Variants in RPS6KA4 observed in about 807,000 individuals in gnomAD.
RPS6KA4 encodes the protein ribosomal protein S6 kinase A4, also known as ribosomal protein S6 kinase alpha-4.
RPS6KA4 carries 38 observed loss-of-function variants against 89.6 expected under a neutral mutation model. That is an observed-to-expected ratio of 0.42 (90% CI 0.33 to 0.56). RPS6KA4 has a LOEUF of 0.56. Among genes scored for constraint, RPS6KA4 ranks in the 20% least tolerant of loss-of-function variants. The probability of loss-of-function intolerance (pLI) is 0.07; values close to 1 mark genes in which losing one functional copy is unlikely to be tolerated. For missense variants in RPS6KA4, 873 were observed against 1,098.8 expected (o/e 0.79, Z 2.90); for synonymous variants, 495 against 492.8 (o/e 1.00, Z -0.06).
chr11:64,361,187 G>C lies in RPS6KA4; in HGVS notation c.516G>C (p.Glu172Asp), dbSNP rs761066886. Residue 172 changes from glutamate to aspartate, a missense_variant, in exon 5 of 17, where the codon GAG (glutamate) becomes GAC (aspartate). Around this residue, in one of 4 missense-constraint regions of RPS6KA4, gnomAD observed 542 missense variants for 736.4 expected, o/e 0.74. Transcript: ENST00000334205. The surrounding 1 kb of genome is among the most constrained non-coding windows in gnomAD (Gnocchi z 4.7). ...LKLENVLLDS[E>D]GHIVLTDFGL... ...TGGAGAATGTGCTGCTGGACTCCGA[G>C]GGCCACATTGTCCTCACGGACTTCG... 2 of 1,613,442 alleles carry C rather than the reference G, an allele frequency of 1.2e-6. No individual in the cohort carries two copies. The highest frequency in any genetic ancestry group is 1.1e-5 in the South Asian group (1 of 91,066).
chr11:64,361,232 G>A lies in RPS6KA4; in HGVS notation c.561G>A (p.Leu187=). 1.9e-6 allele frequency: 3 copies of A among 1,613,224 alleles called. No individual in the cohort carries two copies. The highest frequency in any genetic ancestry group is 2.2e-5 in the South Asian group (2 of 91,072). ...LTDFGLSKEF[L]TEEKERTFSF... ...ACTTCGGGCTGAGCAAGGAGTTCCT[G>A]ACGGAGGAGGTGAGTGGAGGCCACC... is the stretch of plus-strand genomic sequence containing the variant. Residue 187 remains leucine, a synonymous_variant, in exon 5 of 17, where the codon CTG becomes CTA. Coordinates refer to ENST00000334205, the MANE Select transcript of RPS6KA4 (RefSeq NM_003942.3). This position sits in a 1 kb window ranked among gnomAD's most constrained non-coding sequence, Gnocchi z 4.7.
chr11:64,371,224 T>C, intron 16 of RPS6KA4, 59 bp from the exon 17 acceptor site: 1 of 1,551,874 alleles, frequency 6.4e-7, no homozygotes, highest in Admixed American at 1.7e-5. Flanking sequence ...GAGGTCAAAC[T>C]AGATCTGGAA....
At chr11:64,371,240 G>A in intron 16 of RPS6KA4, 43 bp from the exon 17 acceptor site, 3 of 1,589,656 alleles carry the variant, frequency 1.9e-6, no homozygotes, top group Non-Finnish European at 2.6e-6. Context: ...TGGAAGCCGG[G>A]GTCAGGCGGG....
At chr11:64,366,078 C>T (rs1030852427) in intron 9 of RPS6KA4, among the ~76,000 whole-genome samples, 1 of 151,868 alleles carries the variant, frequency 6.6e-6, no homozygotes, top group Non-Finnish European at 1.5e-5. Context: ...CTCACGTGGA[C>T]ACCTAGGAGG....
Position 64,361,286 on chromosome 11 carries a change from C to G in RPS6KA4, c.570+45C>G. On this transcript the variant is annotated intron_variant, in intron 5 of 16. Coordinates refer to ENST00000334205, the MANE Select transcript of RPS6KA4 (RefSeq NM_003942.3). This position sits in a 1 kb window ranked among gnomAD's most constrained non-coding sequence, Gnocchi z 4.7. ...GCCTGCAGTGCCCCATTCAATCCTT[C>G]TCCTTCCTGCCTCTTCCTGCTCTGG... The G allele has an allele frequency of 6.4e-7, 1 of 1,554,738 alleles. No homozygotes were observed. Among genetic ancestry groups the G allele is most frequent in the Non-Finnish European group, 8.9e-7 (1 of 1,129,414 alleles).
chr11:64,361,549 G>A lies in RPS6KA4; in HGVS notation c.651G>A (p.Lys217=). 1 of 1,614,110 alleles carries A rather than the reference G, an allele frequency of 6.2e-7. No homozygotes were observed. Among genetic ancestry groups the A allele is most frequent in the Non-Finnish European group, 8.5e-7 (1 of 1,180,022 alleles). Residue 217 remains lysine, a splice_region_variant and synonymous_variant, in exon 6 of 17, where the codon AAG becomes AAA. Transcript: ENST00000334205. This position sits in a 1 kb window ranked among gnomAD's most constrained non-coding sequence, Gnocchi z 4.7. ...TCCGTAGCAAGACGGGGCATGGCAA[G>A]GTAGGTTGGCAGGGAAGTGGGGCTG... ...EIIRSKTGHG[K]AVDWWSLGIL...
At position 64,360,233 on chromosome 11, in the gene RPS6KA4, G is replaced by A; in HGVS notation, c.198G>A (p.Val66=). 6.5e-7 allele frequency: 1 copy of A among 1,548,160 alleles called. No individual in the cohort carries two copies. Among genetic ancestry groups the A allele is most frequent in the Non-Finnish European group, 8.7e-7 (1 of 1,146,822 alleles). Residue 66 remains valine (V), a synonymous_variant, in exon 3 of 17, where the codon GTG becomes GTA. Transcript: ENST00000334205. ...CGGGGAAGCTGTACGCCATGAAGGT[G>A]CTGCGCAAGGCGGCGCTGGTGCAGC... The part of the protein sequence containing the change: ...HDAGKLYAMK[V]LRKAALVQRA...
chr11:64,365,547 T>A, intron 9 of RPS6KA4, 82 bp downstream of exon 9: 1 of 1,476,036 alleles, frequency 6.8e-7, no homozygotes, highest in East Asian at 2.3e-5. Flanking sequence ...CCGAGGACAC[T>A]GCCTAGGCCT....
chr11:64,368,843 G>C, intron 12 of RPS6KA4, 46 bp downstream of exon 12: 1 of 1,509,408 alleles, frequency 6.6e-7, no homozygotes, highest in Non-Finnish European at 9.0e-7. Context: ...AGGGGCAGGC[G>C]GCGGGGCTTG....
At position 64,365,349 on chromosome 11, in the gene RPS6KA4, C is replaced by T. The variant is rs754458110; in HGVS notation, c.955C>T (p.Arg319Trp). Residue 319 changes from arginine (R) to tryptophan (W), a missense_variant, in exon 9 of 17, where the codon CGG (arginine) becomes TGG (tryptophan). This residue lies in a region of RPS6KA4 where 542 missense variants were observed against 736.4 expected (regional missense o/e 0.74). Coordinates refer to ENST00000334205, the MANE Select transcript of RPS6KA4 (RefSeq NM_003942.3). ...TGCCAGGAAGATTCCAGCCCCATTC[C>T]GGCCCCAAATCCGCTCAGAGCTGGA... is the stretch of plus-strand genomic sequence containing the variant. ...LAARKIPAPFRPQIRSELDVG... is the reference protein window; with the variant it reads ...LAARKIPAPFWPQIRSELDVG... 20 of 1,613,936 alleles carry T rather than the reference C, an allele frequency of 1.2e-5. No individual in the cohort carries two copies. In the Admixed American group the frequency reaches 2.0e-4, roughly 16 times the overall value.
In RPS6KA4 at chr11:64,370,827, C is replaced by T. The variant is rs991890440; in HGVS notation, c.2121+101C>T. ...GGAGCACAGAAAGGCGAGGTGAGGCCGGGCGCGGTGGCTCACGCCTGTAAT... is the reference window on the plus strand; with the variant it reads ...GGAGCACAGAAAGGCGAGGTGAGGCTGGGCGCGGTGGCTCACGCCTGTAAT... On this transcript the variant is annotated intron_variant, in intron 16 of 16. Transcript: ENST00000334205. This position sits in a 1 kb window ranked among gnomAD's most constrained non-coding sequence, Gnocchi z 4.1. The T allele has an allele frequency of 9.6e-5, 132 of 1,377,952 alleles. No homozygotes were observed. Among genetic ancestry groups the T allele is most frequent in the Non-Finnish European group, 1.2e-4 (127 of 1,047,452 alleles). 85.4% of individuals were successfully genotyped at this position (1,377,952 alleles called of 1,614,324 possible).
Position 64,368,188 on chromosome 11 carries a change from C to T in RPS6KA4, c.1128C>T (p.Thr376=). The change falls in exon 10 of 17, where the codon ACC becomes ACT. Residue 376 remains threonine, a synonymous_variant. Coordinates refer to ENST00000334205, the MANE Select transcript of RPS6KA4 (RefSeq NM_003942.3). ...ILFDHNNAVM[T]DGLEAPGAGD... ...TTGACCACAACAACGCGGTGATGAC[C>T]GATGGGCTGGAAGCGCCTGGTGCTG... 1 of 1,613,714 alleles carries T rather than the reference C, an allele frequency of 6.2e-7. No individual in the cohort carries two copies. The highest frequency in any genetic ancestry group is 1.1e-5 in the South Asian group (1 of 91,080).
In RPS6KA4 at chr11:64,371,412, C is replaced by A; in HGVS notation, c.2251C>A (p.Pro751Thr). ...CCGGGGCTCCCCTGCACCAGCCAAC[C>A]CGGGCCGAGCCCCCGTCGCCTCCAA... The part of the protein sequence containing the change: ...SRRGSPAPAN[P>T]GRAPVASKGA... Residue 751 changes from proline (P) to threonine (T), a missense_variant, in exon 17 of 17, where the codon CCG becomes ACG. By Grantham distance (38) the Pro-to-Thr change is conservative. This residue lies in a region of RPS6KA4 where 278 missense variants were observed against 284.8 expected (regional missense o/e 0.98). Coordinates refer to ENST00000334205, the MANE Select transcript of RPS6KA4 (RefSeq NM_003942.3). 1 of 1,609,028 alleles carries A rather than the reference C, an allele frequency of 6.2e-7. No individual in the cohort carries two copies. The highest frequency in any genetic ancestry group is 8.5e-7 in the Non-Finnish European group (1 of 1,177,800).
rs2037015864 is a variant in RPS6KA4 at position 64,370,012 on chromosome 11, C to G, written c.1797+119C>G. On this transcript the variant is annotated intron_variant, in intron 14 of 16. Coordinates refer to ENST00000334205, the MANE Select transcript of RPS6KA4 (RefSeq NM_003942.3). This position sits in a 1 kb window ranked among gnomAD's most constrained non-coding sequence, Gnocchi z 4.1. ...TTGGTGGGGGCGGCTGGGTTTCGTCCGAAGCTGGGATCGGGGTGGTTCAAA... is the reference window on the plus strand; with the variant it reads ...TTGGTGGGGGCGGCTGGGTTTCGTCGGAAGCTGGGATCGGGGTGGTTCAAA... 2.5e-6 allele frequency: 3 copies of G among 1,206,934 alleles called. No homozygotes were observed. Among genetic ancestry groups the G allele is most frequent in the Non-Finnish European group, 3.4e-6 (3 of 893,382 alleles). The allele number at this position is 1,206,934 out of a possible 1,614,324, so 74.8% of individuals were successfully genotyped here.
rs761356018 is a variant in RPS6KA4, at chr11:64,371,422, C to T, written c.2261C>T (p.Ala754Val). ...GSPAPANPGRAPVASKGAPRR... is the reference protein window; with the variant it reads ...GSPAPANPGRVPVASKGAPRR... ...CCTGCACCAGCCAACCCGGGCCGAG[C>T]CCCCGTCGCCTCCAAAGGGGCCCCC... Residue 754 changes from alanine (A) to valine (V), a missense_variant, in exon 17 of 17, where the codon GCC (alanine) becomes GTC (valine). This residue lies in a region of RPS6KA4 where 278 missense variants were observed against 284.8 expected (regional missense o/e 0.98). Transcript: ENST00000334205. 2 of 1,604,042 alleles carry T rather than the reference C, an allele frequency of 1.2e-6. No individual in the cohort carries two copies. Among genetic ancestry groups the T allele is most frequent in the Admixed American group, 1.7e-5 (1 of 59,112 alleles).
intron 9 of RPS6KA4, among the ~76,000 whole-genome samples, chr11:64,366,038 C>CAA (rs1226198869): frequency 9.1e-6 from 1 of 110,494 alleles, no homozygotes; most frequent in Non-Finnish European, 1.8e-5. Context: ...AACTCCGTCT[C>CAA]AAAAAAAAAA....
chr11:64,362,106 C>G, intron 8 of RPS6KA4, 104 bp downstream of exon 8: 1 of 1,377,752 alleles, frequency 7.3e-7, no homozygotes, highest in Non-Finnish European at 9.9e-7. Flanking sequence ...TTGGAAATCC[C>G]CCCAGAGAAA....
intron 11 of RPS6KA4, 24 bp downstream of exon 11, chr11:64,368,625 G>A: frequency 6.3e-7 from 1 of 1,585,960 alleles, no homozygotes; most frequent in South Asian, 1.1e-5. Context: ...GGCGCGGGCA[G>A]GGGTGGGGGT....
chr11:64,370,814 G>T lies in RPS6KA4; in HGVS notation c.2121+88G>T, dbSNP rs1302824319. On this transcript the variant is annotated intron_variant, in intron 16 of 16. Coordinates refer to ENST00000334205, the MANE Select transcript of RPS6KA4 (RefSeq NM_003942.3). The surrounding 1 kb of genome is among the most constrained non-coding windows in gnomAD (Gnocchi z 4.1). Reference sequence around the variant, plus strand: ...AGGCCCGGCCATCGGAGCACAGAAAGGCGAGGTGAGGCCGGGCGCGGTGGC... The same window carrying T: ...AGGCCCGGCCATCGGAGCACAGAAATGCGAGGTGAGGCCGGGCGCGGTGGC... 1.7e-5 allele frequency: 24 copies of T among 1,415,380 alleles called. No individual in the cohort carries two copies. Among genetic ancestry groups the T allele is most frequent in the Non-Finnish European group, 2.2e-5 (24 of 1,079,018 alleles). The allele number at this position is 1,415,380 out of a possible 1,614,324, so 87.7% of individuals were successfully genotyped here. A position where few individuals can be genotyped will look rare whatever the true frequency, so the allele number is the denominator to read the frequency against.
Sources: gnomAD v4.1 joint callset for allele counts (sites outside exome capture counted in the v4.1 genomes callset) on GRCh38, gnomAD v4.1.1 for gene constraint, gnomAD v4.1.1 regional missense constraint, Gnocchi (gnomAD v3.1) non-coding constraint, MANE v1.5 for transcripts, NCBI Gene and HGNC (gene_info 2026-07-23, HGNC 2026-07-21) for gene names.